The following CASZ1 variants were observed in gnomAD, a reference collection of about 807,000 sequenced individuals.
CASZ1 encodes zinc finger protein castor homolog 1.
Under a neutral mutation model 135.2 loss-of-function variants are expected in CASZ1, and 28 were observed. That is an observed-to-expected ratio of 0.21 (90% CI 0.15 to 0.28). CASZ1 has a LOEUF of 0.28. Ranked by LOEUF, CASZ1 falls within the 10% of genes least tolerant of loss-of-function variation. The pLI is 1.00. For synonymous variants in CASZ1, 1,068 were observed against 1,073.4 expected (o/e 0.99, Z 0.10); for missense variants, 2,161 against 2,453.3 (o/e 0.88, Z 2.52).
In CASZ1 at chr1:10,697,075, C is replaced by T. The variant is rs1213043441; in HGVS notation, c.-23-3163G>A. 1.3e-5 allele frequency among the ~76,000 whole-genome samples: 2 copies of T among 152,216 alleles called. No homozygotes were observed. Among genetic ancestry groups the T allele is most frequent in the South Asian group, 2.1e-4 (1 of 4,826 alleles). ...CAGGTAGCCACAGGCTGAGTGGGCCCTGCCCAAGAGGAAAAGGCCTTCAGT... is the reference window on the plus strand; with the variant it reads ...CAGGTAGCCACAGGCTGAGTGGGCCTTGCCCAAGAGGAAAAGGCCTTCAGT... On this transcript the variant is annotated intron_variant, in intron 3 of 20. Coordinates refer to ENST00000377022, the MANE Select transcript of CASZ1 (RefSeq NM_001079843.3). This position sits in a 1 kb window ranked among gnomAD's most constrained non-coding sequence, Gnocchi z 4.7.
intron 2 of CASZ1, among the ~76,000 whole-genome samples, chr1:10,733,980 G>A (rs1013231914): frequency 2.6e-5 from 4 of 152,180 alleles, no homozygotes; most frequent in African/African-American, 7.2e-5. Context: ...AATAACTAGC[G>A]AAAGTGCTAG....
At position 10,720,532 on chromosome 1, in the gene CASZ1, A is replaced by G. The variant is rs549832168; in HGVS notation, c.-76-14988T>C. ...CCAAGGCCCTGGACTGTAAGGCTGG[A>G]GGGGAAGGTGGGAAGACTTGGGCAG... On this transcript the variant is annotated intron_variant, in intron 2 of 20. Transcript: ENST00000377022. This position sits in a 1 kb window ranked among gnomAD's most constrained non-coding sequence, Gnocchi z 5.7. Among the ~76,000 whole-genome samples, 1 of 152,290 alleles carries G rather than the reference A, an allele frequency of 6.6e-6. No homozygotes were observed. Among genetic ancestry groups the G allele is most frequent in the Non-Finnish European group, 1.5e-5 (1 of 68,018 alleles).
rs180861344 is a variant in CASZ1 at position 10,719,511 on chromosome 1, G to A, written c.-76-13967C>T. Among the ~76,000 whole-genome samples, 89 of 152,336 alleles carry A rather than the reference G, an allele frequency of 5.8e-4. No individual in the cohort carries two copies. Among genetic ancestry groups the A allele is most frequent in the Admixed American group, 1.7e-3 (26 of 15,302 alleles). The stretch of plus-strand genomic sequence containing the variant: ...GCTTGGGAGAAGGGATCCCTAAGAA[G>A]CAGCGCTGTGGGGAAGGTGGCACCG... On this transcript the variant is annotated intron_variant, in intron 2 of 20. Transcript: ENST00000377022. This position sits in a 1 kb window ranked among gnomAD's most constrained non-coding sequence, Gnocchi z 4.0.
At position 10,794,176 on chromosome 1, in the gene CASZ1, CGTGT is replaced by C. The variant is rs4002551; in HGVS notation, c.-234+2384_-234+2387del. ...GTGTGTGCGTGTTTGTATGTGTATG[CGTGT>C]GTGTGTGTGTGTGTGTGTGCGCGCG... On this transcript the variant is annotated intron_variant, in intron 1 of 20. Transcript: ENST00000377022. This position sits in a 1 kb window ranked among gnomAD's most constrained non-coding sequence, Gnocchi z 5.6. Among the ~76,000 whole-genome samples the C allele has an allele frequency of 0.042, 6,189 of 148,436 alleles. 426 individuals carry two copies. The highest frequency in any genetic ancestry group is 0.14 in the African/African-American group (5,590 of 40,544).
chr1:10,743,491 C>T (rs1048475395), intron 2 of CASZ1, among the ~76,000 whole-genome samples: 1 of 151,380 alleles, frequency 6.6e-6, no homozygotes, highest in Non-Finnish European at 1.5e-5. Flanking sequence ...CACGTAGAGA[C>T]CTGTACTCAG....
intron 2 of CASZ1, among the ~76,000 whole-genome samples, chr1:10,712,911 G>T (rs768778808): frequency 6.6e-6 from 1 of 152,198 alleles, no homozygotes; most frequent in African/African-American, 2.4e-5. Flanking sequence ...GGTCTGAGTC[G>T]ATGACTTCCC....
intron 5 of CASZ1, among the ~76,000 whole-genome samples, chr1:10,664,465 C>T (rs915737969): frequency 2.6e-5 from 4 of 152,104 alleles, no homozygotes; most frequent in African/African-American, 9.7e-5. Context: ...GGACCGTGGC[C>T]GGGGCAGCTG....
At position 10,646,213 on chromosome 1, in the gene CASZ1, A is replaced by C. The variant is rs1256335058; in HGVS notation, c.3611T>G (p.Leu1204Arg). The change falls in exon 17 of 21, where the codon CTG becomes CGG. Residue 1204 changes from leucine to arginine, a missense_variant. Physicochemically the swap from Leu to Arg is moderately radical, Grantham distance 102. Transcript: ENST00000377022. This position sits in a 1 kb window ranked among gnomAD's most constrained non-coding sequence, Gnocchi z 6.4. ...GTTGTTGTTGGGGTTGATGTGGTCC[A>C]GGCAGTGGGATTCGGCCTTGCCAGA... Reference protein sequence around the residue: ...KTSGKAESHCLDHINPNNNLV... With the variant: ...KTSGKAESHCRDHINPNNNLV... The C allele has an allele frequency of 6.2e-7, 1 of 1,614,108 alleles. No homozygotes were observed. Among genetic ancestry groups the C allele is most frequent in the Non-Finnish European group, 8.5e-7 (1 of 1,180,054 alleles).
intron 2 of CASZ1, among the ~76,000 whole-genome samples, chr1:10,736,235 C>T (rs903820567): frequency 3.3e-5 from 5 of 152,200 alleles, no homozygotes; most frequent in Non-Finnish European, 7.3e-5. Flanking sequence ...GCTTCAGAAT[C>T]GCACCTGCCT....
intron 4 of CASZ1, among the ~76,000 whole-genome samples, chr1:10,667,895 C>T (rs1213816169): frequency 6.6e-6 from 1 of 151,526 alleles, no homozygotes; most frequent in Non-Finnish European, 1.5e-5. Context: ...TGGCTCAGTC[C>T]CTGCCCGGGC....
intron 2 of CASZ1, among the ~76,000 whole-genome samples, chr1:10,715,400 G>A (rs1477279736): frequency 4.6e-5 from 7 of 152,004 alleles, no homozygotes; most frequent in Admixed American, 6.5e-5. Context: ...CTGTTGGATC[G>A]TGCCATTAGG....
At chr1:10,790,833 T>C (rs1640943770) in intron 1 of CASZ1, among the ~76,000 whole-genome samples, 1 of 151,988 alleles carries the variant, frequency 6.6e-6, no homozygotes, top group African/African-American at 2.4e-5. Context: ...TTAATGTATG[T>C]CTATAAGAGG....
At chr1:10,656,930 A>G (rs533277752) in intron 7 of CASZ1, among the ~76,000 whole-genome samples, 194 bp from the exon 8 acceptor site, 1 of 152,290 alleles carries the variant, frequency 6.6e-6, no homozygotes, top group African/African-American at 2.4e-5. Flanking sequence ...CCTGGCCCCA[A>G]GAAAGGGGCA....
chr1:10,650,893 C>A, intron 12 of CASZ1, 48 bp downstream of exon 12: 2 of 1,606,820 alleles, frequency 1.2e-6, no homozygotes, highest in Non-Finnish European at 1.7e-6. Context: ...GGCTCCAGCT[C>A]GAAGGTGTGG....
intron 1 of CASZ1, among the ~76,000 whole-genome samples, chr1:10,773,660 G>A (rs205476): frequency 0.71 from 107,891 of 151,684 alleles, 38,941 homozygotes; most frequent in Non-Finnish European, 0.77. Flanking sequence ...ACCAGGCAAC[G>A]GGCTCCCCCA....
In CASZ1 at chr1:10,637,017, C is replaced by G. The variant is rs186499528; in HGVS notation, c.*1925G>C. 1 of 152,332 alleles carries G rather than the reference C, an allele frequency of 6.6e-6. No homozygotes were observed. The allele number at this position is 152,332 out of a possible 1,614,324, so 9.4% of individuals were successfully genotyped here. A position where few individuals can be genotyped will look rare whatever the true frequency, so the allele number is the denominator to read the frequency against. On this transcript the variant is annotated 3_prime_UTR_variant, in exon 21 of 21. Coordinates refer to ENST00000377022, the MANE Select transcript of CASZ1 (RefSeq NM_001079843.3). ...GAAAGAAAATAAAACAAAAATTACA[C>G]GTTAAAATTCAAAATGAGCTAGCAA...
intron 1 of CASZ1, among the ~76,000 whole-genome samples, chr1:10,778,471 CAT>C (rs532562216): frequency 3.1e-4 from 47 of 152,258 alleles, no homozygotes; most frequent in Admixed American, 1.2e-3. Context: ...CACAATCTCA[CAT>C]AGTCTCACAA....
chr1:10,681,666 A>C lies in CASZ1; in HGVS notation c.16+12208T>G, dbSNP rs951763888. On this transcript the variant is annotated intron_variant, in intron 4 of 20. Coordinates refer to ENST00000377022, the MANE Select transcript of CASZ1 (RefSeq NM_001079843.3). ...TGGGACGAGACCACTGTTTCAGCGCAGTGTCTGGCCCAACAAATATTGACT... is the reference window on the plus strand; with the variant it reads ...TGGGACGAGACCACTGTTTCAGCGCCGTGTCTGGCCCAACAAATATTGACT... Among the ~76,000 whole-genome samples, 21 of 152,244 alleles carry C rather than the reference A, an allele frequency of 1.4e-4. 1 individual carries two copies. Among genetic ancestry groups the C allele is most frequent in the African/African-American group, 5.1e-4 (21 of 41,464 alleles).
Position 10,727,218 on chromosome 1 carries a change from G to GTA in CASZ1, c.-76-21675_-76-21674insTA, listed in dbSNP as rs1417134010. On this transcript the variant is annotated intron_variant, in intron 2 of 20. Coordinates refer to ENST00000377022, the MANE Select transcript of CASZ1 (RefSeq NM_001079843.3). The surrounding 1 kb of genome is among the most constrained non-coding windows in gnomAD (Gnocchi z 5.3). Reference sequence around the variant, plus strand: ...GCCCGCGACCGTCCCAGGCCTGTGGGAAGCTGGGAGACCAGGGCGTCTTGC... The same window carrying GTA: ...GCCCGCGACCGTCCCAGGCCTGTGGGTAAAGCTGGGAGACCAGGGCGTCTTGC... 2.6e-5 allele frequency among the ~76,000 whole-genome samples: 4 copies of GTA among 152,078 alleles called. No homozygotes were observed. Among genetic ancestry groups the GTA allele is most frequent in the Non-Finnish European group, 5.9e-5 (4 of 67,984 alleles).
Sources: allele counts gnomAD v4.1 joint callset (sites outside exome capture counted in the v4.1 genomes callset), GRCh38; gene constraint gnomAD v4.1.1; non-coding constraint Gnocchi (gnomAD v3.1); transcripts MANE v1.5; gene names NCBI Gene and HGNC (gene_info 2026-07-23, HGNC 2026-07-21).